The following ANO1 variants were observed in gnomAD, a reference collection of about 807,000 sequenced individuals.
The protein encoded by ANO1 is anoctamin-1.
A neutral mutation model predicts 124.0 loss-of-function variants in ANO1; 59 were observed. That is an observed-to-expected ratio of 0.48 (90% CI 0.39 to 0.59). ANO1 has a LOEUF of 0.59. ANO1 is among the 20% of genes least tolerant of loss of function. The probability of loss-of-function intolerance (pLI) is 0.00; values close to 1 mark genes in which losing one functional copy is unlikely to be tolerated. For missense variants in ANO1, 1,059 were observed against 1,328.0 expected (o/e 0.80, Z 3.15); for synonymous variants, 529 against 532.0 (o/e 0.99, Z 0.08).
intron 21 of ANO1, among the ~76,000 whole-genome samples, chr11:70,169,044 C>A (rs1173900006): frequency 6.6e-6 from 1 of 152,196 alleles, no homozygotes; most frequent in East Asian, 1.9e-4. Flanking sequence ...GGCCATGTGG[C>A]CAGGAGGGAC....
chr11:70,079,900 T>A (rs1466543558), intron 1 of ANO1, among the ~76,000 whole-genome samples: 1 of 152,180 alleles, frequency 6.6e-6, no homozygotes, highest in Non-Finnish European at 1.5e-5. Context: ...TGGGGGCATC[T>A]CTTCAGGAAA....
intron 11 of ANO1, among the ~76,000 whole-genome samples, chr11:70,133,342 T>C (rs1196632655): frequency 6.6e-6 from 1 of 152,196 alleles, no homozygotes; most frequent in Non-Finnish European, 1.5e-5. Flanking sequence ...GCCAAAGCCT[T>C]GCCAGCATCC....
At chr11:70,073,453 C>T (rs2044010566), upstream of ANO1, among the ~76,000 whole-genome samples, 1 of 152,148 alleles carries the variant, frequency 6.6e-6, no homozygotes, top group African/African-American at 2.4e-5. Flanking sequence ...TAGCACGGTG[C>T]TGGCTCATAG....
intron 1 of ANO1, among the ~76,000 whole-genome samples, chr11:69,987,293 G>A (rs782477051): frequency 2.0e-5 from 3 of 152,182 alleles, no homozygotes; most frequent in Non-Finnish European, 4.4e-5. Context: ...GAAATGATCC[G>A]TTCTGTGATC....
chr11:70,098,198 G>A (rs1025496343), intron 2 of ANO1, among the ~76,000 whole-genome samples: 1 of 152,192 alleles, frequency 6.6e-6, no homozygotes, highest in African/African-American at 2.4e-5. Flanking sequence ...ACGGCTCCCC[G>A]CAGGGCTGGG....
intron 8 of ANO1, among the ~76,000 whole-genome samples, chr11:70,118,524 A>T (rs149293188): frequency 1.3e-5 from 2 of 152,040 alleles, no homozygotes; most frequent in East Asian, 3.9e-4. Context: ...TGATAGATGG[A>T]TGGATAGAGA....
the ANO1 span, among the ~76,000 whole-genome samples, chr11:69,970,096 C>T: frequency 6.6e-6 from 1 of 152,152 alleles, no homozygotes; most frequent in Non-Finnish European, 1.5e-5. Flanking sequence ...GTGACGTGTT[C>T]TCAGAGCTTC....
intron 15 of ANO1, 29 bp from the exon 16 acceptor site, chr11:70,156,914 CCAGA>C (rs752388480): frequency 6.2e-7 from 1 of 1,604,158 alleles, no homozygotes; most frequent in South Asian, 1.1e-5. Flanking sequence ...CGTGATGGTT[CCAGA>C]CAGTGACCGG....
intron 5 of ANO1, chr11:70,108,106 A>C (rs1025826862): frequency 7.8e-5 from 36 of 458,794 alleles, no homozygotes; most frequent in Non-Finnish European, 1.1e-4. Context: ...CCACGTTGGG[A>C]GGTGAAAGAT....
chr11:70,129,053 C>T (rs2046638159), intron 10 of ANO1, among the ~76,000 whole-genome samples: 1 of 152,218 alleles, frequency 6.6e-6, no homozygotes, highest in African/African-American at 2.4e-5. Context: ...GGAAGAGGGG[C>T]TCGCGTTGTG....
At position 70,149,800 on chromosome 11, in the gene ANO1, G is replaced by T; in HGVS notation, c.1341+8G>T. ...GGCTTTGAAGAGGAAGAGGTCAGTGGGTTTGCCGCCGTGCATATCACGCCC... is the reference window on the plus strand; with the variant it reads ...GGCTTTGAAGAGGAAGAGGTCAGTGTGTTTGCCGCCGTGCATATCACGCCC... On this transcript the variant is annotated splice_region_variant and intron_variant, in intron 12 of 25. Transcript: ENST00000355303. 3.1e-6 allele frequency: 5 copies of T among 1,613,110 alleles called. No individual in the cohort carries two copies. Among genetic ancestry groups the T allele is most frequent in the Non-Finnish European group, 4.2e-6 (5 of 1,179,592 alleles).
chr11:70,118,576 AGATG>A (rs56391691), intron 8 of ANO1, among the ~76,000 whole-genome samples: 10,870 of 138,152 alleles, frequency 0.079, 530 homozygotes, highest in Non-Finnish European at 0.11. Context: ...ATGGATGGAT[AGATG>A]GATGGATGGA....
chr11:70,150,015 G>A, intron 12 of ANO1: 1 of 656,450 alleles, frequency 1.5e-6, no homozygotes, highest in Non-Finnish European at 2.8e-6. Context: ...GTCTGCTGAA[G>A]TGTTTTCATC....
upstream of ANO1, among the ~76,000 whole-genome samples, chr11:69,984,188 AG>A (rs1855983659): frequency 1.3e-5 from 2 of 152,230 alleles, no homozygotes; most frequent in South Asian, 4.1e-4. Context: ...CACAATGGTC[AG>A]ATGGAAAAGT....
At chr11:70,133,606 C>A (rs1421649325) in intron 11 of ANO1, among the ~76,000 whole-genome samples, 1 of 152,186 alleles carries the variant, frequency 6.6e-6, no homozygotes, top group Non-Finnish European at 1.5e-5. Context: ...AGGCCCGAGC[C>A]CTGTCCCTAC....
At chr11:70,013,163 G>A (rs1174544559) in intron 1 of ANO1, among the ~76,000 whole-genome samples, 1 of 152,238 alleles carries the variant, frequency 6.6e-6, no homozygotes, top group Non-Finnish European at 1.5e-5. Flanking sequence ...GTGTTAGGCA[G>A]AGAGGCCAGC....
At chr11:70,107,509 T>G (rs1439771081) in intron 5 of ANO1, among the ~76,000 whole-genome samples, 18 of 79,488 alleles carry the variant, frequency 2.3e-4, no homozygotes, top group Admixed American at 2.6e-4. Flanking sequence ...GGGGAAGCGG[T>G]CAGATGGCCT....
At chr11:70,078,013 A>G (rs553940438), upstream of ANO1, among the ~76,000 whole-genome samples, 9 of 102,528 alleles carry the variant, frequency 8.8e-5, no homozygotes, top group Admixed American at 2.4e-4. Flanking sequence ...CCAGACTCCA[A>G]TCTCAGAAGC....
chr11:70,140,500 C>T (rs774019717), intron 11 of ANO1, among the ~76,000 whole-genome samples: 23 of 151,724 alleles, frequency 1.5e-4, no homozygotes, highest in South Asian at 6.3e-4. Flanking sequence ...CATTGCACTC[C>T]AGCCTGGGTG....
Sources: gnomAD v4.1 joint callset for allele counts (sites outside exome capture counted in the v4.1 genomes callset) on GRCh38, gnomAD v4.1.1 for gene constraint, MANE v1.5 for transcripts, NCBI Gene and HGNC (gene_info 2026-07-23, HGNC 2026-07-21) for gene names.